XKR6: variants seen among roughly 807,000 people sequenced by gnomAD.
XKR6 encodes XK-related protein 6.
Under a neutral mutation model 56.7 loss-of-function variants are expected in XKR6, and 22 were observed. The observed-to-expected ratio is 0.39, with a 90% CI of 0.28 to 0.55. The LOEUF is 0.55. XKR6 is among the 20% of genes least tolerant of loss of function. The pLI is 0.66. For synonymous variants in XKR6, 524 were observed against 387.8 expected (o/e 1.35, Z -4.13); for missense variants, 852 against 889.0 (o/e 0.96, Z 0.53).
intron 1 of XKR6, among the ~76,000 whole-genome samples, chr8:11,172,226 G>A (rs770142057): frequency 7.3e-5 from 11 of 151,252 alleles, no homozygotes; most frequent in Non-Finnish European, 1.6e-4. Flanking sequence ...AAAAATTAGC[G>A]TGGCATTATT....
At chr8:10,996,861 A>C (rs1743654181) in intron 1 of XKR6, among the ~76,000 whole-genome samples, 2 of 152,140 alleles carry the variant, frequency 1.3e-5, no homozygotes, top group African/African-American at 4.8e-5. Flanking sequence ...CCAGCAGCTC[A>C]GGAGGGTGAG....
intron 1 of XKR6, among the ~76,000 whole-genome samples, chr8:10,993,622 G>C (rs1038673848): frequency 6.6e-6 from 1 of 152,220 alleles, no homozygotes; most frequent in Non-Finnish European, 1.5e-5. Context: ...AAGCAGGGGA[G>C]AGGCTGGGGG....
chr8:11,199,850 G>A (rs545086066), intron 1 of XKR6, among the ~76,000 whole-genome samples: 1 of 152,236 alleles, frequency 6.6e-6, no homozygotes, highest in South Asian at 2.1e-4. Context: ...CCCCAGAATA[G>A]GTATCCAGGT....
intron 1 of XKR6, among the ~76,000 whole-genome samples, chr8:10,932,289 C>G (rs2129120433): frequency 6.6e-6 from 1 of 152,332 alleles, no homozygotes; most frequent in East Asian, 1.9e-4. Context: ...CTCTGGAAAA[C>G]AGTGGACAGT....
At chr8:10,953,935 G>C (rs1056500624) in intron 1 of XKR6, among the ~76,000 whole-genome samples, 1 of 152,164 alleles carries the variant, frequency 6.6e-6, no homozygotes, top group Non-Finnish European at 1.5e-5. Context: ...TTTTGTGGCT[G>C]GCTTCTTTCA....
chr8:11,173,112 G>C (rs973943310), intron 1 of XKR6, among the ~76,000 whole-genome samples: 1 of 151,372 alleles, frequency 6.6e-6, no homozygotes, highest in African/African-American at 2.4e-5. Flanking sequence ...GAGGCGGGTG[G>C]ATCACGAGGT....
intron 1 of XKR6, among the ~76,000 whole-genome samples, chr8:10,975,907 G>C (rs779715436): frequency 4.6e-5 from 7 of 152,202 alleles, no homozygotes; most frequent in African/African-American, 7.2e-5. Context: ...CCACGCAGTG[G>C]CTCACGCCTG....
intron 2 of XKR6, among the ~76,000 whole-genome samples, chr8:10,902,046 T>C (rs1800049576): frequency 6.6e-6 from 1 of 152,228 alleles, no homozygotes; most frequent in Non-Finnish European, 1.5e-5. Context: ...GGGTGTTCTG[T>C]TCCTGCAACT....
intron 1 of XKR6, among the ~76,000 whole-genome samples, chr8:11,079,106 G>A (rs1197928949): frequency 1.3e-5 from 2 of 152,202 alleles, no homozygotes; most frequent in African/African-American, 4.8e-5. Flanking sequence ...GGAGAACAGA[G>A]TGCAGATCCC....
At chr8:11,062,964 A>G (rs1359774695) in intron 1 of XKR6, 5 of 394,404 alleles carry the variant, frequency 1.3e-5, no homozygotes, top group South Asian at 1.8e-5. Flanking sequence ...AGGACTCCAG[A>G]GCCCCTGGAG....
intron 1 of XKR6, among the ~76,000 whole-genome samples, chr8:11,100,269 G>A (rs1026712063): frequency 1.3e-5 from 2 of 152,138 alleles, no homozygotes; most frequent in East Asian, 1.9e-4. Flanking sequence ...GCCCAGGCTG[G>A]TCTCGAAATT....
At chr8:10,968,538 C>T (rs1012116726) in intron 1 of XKR6, among the ~76,000 whole-genome samples, 1 of 152,222 alleles carries the variant, frequency 6.6e-6, no homozygotes, top group African/African-American at 2.4e-5. Flanking sequence ...CCTCCCTCCT[C>T]CTGTCCTCCA....
chr8:11,006,836 C>T (rs2129144622), intron 1 of XKR6, among the ~76,000 whole-genome samples: 1 of 152,358 alleles, frequency 6.6e-6, no homozygotes, highest in Non-Finnish European at 1.5e-5. Context: ...CAGCTACCAG[C>T]TGCCTCCTCT....
intron 1 of XKR6, chr8:11,174,949 G>A (rs770859051): frequency 6.6e-6 from 1 of 152,158 alleles, no homozygotes; most frequent in African/African-American, 2.4e-5. Context: ...CCTCTTTCTA[G>A]GACAGGTACA....
chr8:11,003,254 C>A (rs1176591630), intron 1 of XKR6, among the ~76,000 whole-genome samples: 1 of 152,218 alleles, frequency 6.6e-6, no homozygotes, highest in Non-Finnish European at 1.5e-5. Flanking sequence ...AACAGAAGAA[C>A]AAGTACAACA....
At chr8:11,060,422 C>G (rs1270751621) in intron 1 of XKR6, among the ~76,000 whole-genome samples, 2 of 152,244 alleles carry the variant, frequency 1.3e-5, no homozygotes, top group African/African-American at 4.8e-5. Flanking sequence ...TCCTCCGCAG[C>G]CCCGCAGTGC....
At chr8:11,062,990 G>C (rs1331218006) in intron 1 of XKR6, 1 of 366,902 alleles carries the variant, frequency 2.7e-6, no homozygotes, top group Admixed American at 3.7e-5. Flanking sequence ...GGATGGAGGA[G>C]CCTGGGTTCT....
rs4841459 is a variant in XKR6 at position 10,924,932 on chromosome 8, A to T, written c.765-102T>A. The stretch of plus-strand genomic sequence containing the variant: ...AAACCAAGAGACTCAGCATCCCCCC[A>T]ACTCCCTATGCTCTGAAGTTCCCAG... On this transcript the variant is annotated intron_variant, in intron 1 of 2. Transcript: ENST00000416569. The T allele has an allele frequency of 3.4e-5, 43 of 1,261,216 alleles. 1 individual carries two copies. The highest frequency in any genetic ancestry group is 5.5e-4 in the Middle Eastern group (2 of 3,618). 78.1% of individuals were successfully genotyped at this position (1,261,216 alleles called of 1,614,324 possible).
At chr8:10,914,134 C>G (rs11986958) in intron 2 of XKR6, among the ~76,000 whole-genome samples, 11,997 of 152,094 alleles carry the variant, frequency 0.079, 1,600 homozygotes, top group African/African-American at 0.27. Flanking sequence ...TGGGTGTAAG[C>G]TTCCCAGATG....
Sources: gnomAD v4.1 joint callset for allele counts (sites outside exome capture counted in the v4.1 genomes callset) on GRCh38, gnomAD v4.1.1 for gene constraint, MANE v1.5 for transcripts, NCBI Gene and HGNC (gene_info 2026-07-23, HGNC 2026-07-21) for gene names.